PDE4D: variants seen among roughly 807,000 people sequenced by gnomAD.
The protein encoded by PDE4D is phosphodiesterase 4D, also known as 3',5'-cyclic-AMP phosphodiesterase 4D.
PDE4D carries 24 observed loss-of-function variants against 87.4 expected under a neutral mutation model. The observed-to-expected ratio is 0.27, with a 90% CI of 0.20 to 0.39. The LOEUF (loss-of-function observed/expected upper bound fraction) is 0.39. Among genes scored for constraint, PDE4D ranks in the 10% least tolerant of loss-of-function variants. The pLI, the probability that PDE4D is intolerant of heterozygous loss-of-function variation, is 1.00. For missense variants in PDE4D, 714 were observed against 1,041.0 expected, an observed-to-expected ratio of 0.69 and a Z score of 4.32; for synonymous variants, 384 against 383.2, an observed-to-expected ratio of 1.00 and a Z score of -0.02.
Position 59,334,327 on chromosome 5 carries a change from T to G in PDE4D, c.456-118359A>C, listed in dbSNP as rs60695182. On this transcript the variant is annotated intron_variant, in intron 1 of 14. Transcript: ENST00000340635. The stretch of plus-strand genomic sequence containing the variant: ...AGGCTGGAGTGCAATGGCATGATCT[T>G]GGCTCACTGCAACCTCTGCCTCCTG... Among the ~76,000 whole-genome samples the G allele has an allele frequency of 5.1e-3, 757 of 148,184 alleles. 9 individuals are homozygous for G. Among genetic ancestry groups the G allele is most frequent in the African/African-American group, 0.018 (718 of 40,194 alleles).
At chr5:59,503,060 A>C (rs1808609968) in intron 1 of PDE4D, among the ~76,000 whole-genome samples, 1 of 152,140 alleles carries the variant, frequency 6.6e-6, no homozygotes, top group Non-Finnish European at 1.5e-5. Flanking sequence ...TAGGTAAAGC[A>C]TCAGAAAGCA....
chr5:59,532,853 C>A (rs1013572867), intron 1 of PDE4D, among the ~76,000 whole-genome samples: 1 of 152,064 alleles, frequency 6.6e-6, no homozygotes, highest in Non-Finnish European at 1.5e-5. Context: ...ATGATTGGAC[C>A]ATCTGAGAAG....
chr5:60,083,900 T>C (rs187839375), intron 2 of PDE4D, among the ~76,000 whole-genome samples: 17 of 152,352 alleles, frequency 1.1e-4, no homozygotes, highest in African/African-American at 4.1e-4. Flanking sequence ...ACTTTACCAT[T>C]TGTCAAGGTG....
intron 1 of PDE4D, among the ~76,000 whole-genome samples, chr5:59,576,736 G>A (rs377210452): frequency 3.4e-4 from 52 of 152,262 alleles, no homozygotes; most frequent in African/African-American, 1.2e-3. Flanking sequence ...CTCACAGAAT[G>A]TGGTCACCCT....
intron 1 of PDE4D, among the ~76,000 whole-genome samples, chr5:59,312,707 G>T (rs1173617056): frequency 6.6e-6 from 1 of 152,172 alleles, no homozygotes; most frequent in East Asian, 1.9e-4. Context: ...AGAACCCAGT[G>T]CCCCTATGCC....
chr5:59,933,232 T>A (rs1483142250), intron 3 of PDE4D, among the ~76,000 whole-genome samples: 3 of 152,240 alleles, frequency 2.0e-5, no homozygotes, highest in African/African-American at 7.2e-5. Context: ...TTTGAGAAGA[T>A]ACTTCCATAA....
chr5:59,056,913 G>C (rs1352570607), intron 5 of PDE4D, among the ~76,000 whole-genome samples: 1 of 152,150 alleles, frequency 6.6e-6, no homozygotes, highest in East Asian at 1.9e-4. Flanking sequence ...AGAGAACCCA[G>C]CACTTTGAGA....
At chr5:60,268,538 T>C (rs1213756637) in intron 1 of PDE4D, among the ~76,000 whole-genome samples, 1 of 152,192 alleles carries the variant, frequency 6.6e-6, no homozygotes, top group Non-Finnish European at 1.5e-5. Context: ...TGCAAAGTGA[T>C]CTCAAGTCTC....
chr5:59,086,015 A>G lies in PDE4D; in HGVS notation c.809-47044T>C, dbSNP rs78073504. Among the ~76,000 whole-genome samples, 950 of 152,310 alleles carry G rather than the reference A, an allele frequency of 6.2e-3. 10 individuals are homozygous for G. The highest frequency in any genetic ancestry group is 0.022 in the African/African-American group (900 of 41,570). Reference sequence around the variant, plus strand: ...ATATAAAATCACCCTGACTTTTGCAAGGGGTCCGTCTATACAGAAGAGTAA... The same window carrying G: ...ATATAAAATCACCCTGACTTTTGCAGGGGGTCCGTCTATACAGAAGAGTAA... On this transcript the variant is annotated intron_variant, in intron 5 of 14. Coordinates refer to ENST00000340635, the MANE Select transcript of PDE4D (RefSeq NM_001104631.2).
At chr5:59,025,281 A>G (rs1485227435) in intron 6 of PDE4D, among the ~76,000 whole-genome samples, 1 of 152,188 alleles carries the variant, frequency 6.6e-6, no homozygotes, top group African/African-American at 2.4e-5. Flanking sequence ...TTAATATTGC[A>G]GTTCATTTTT....
intron 1 of PDE4D, among the ~76,000 whole-genome samples, chr5:59,606,326 C>T (rs1828196264): frequency 6.6e-6 from 1 of 152,058 alleles, no homozygotes; most frequent in Non-Finnish European, 1.5e-5. Context: ...CATGCAACAG[C>T]ACATTGGAAA....
chr5:59,043,730 G>C (rs1265608912), intron 5 of PDE4D, among the ~76,000 whole-genome samples: 4 of 139,310 alleles, frequency 2.9e-5, no homozygotes, highest in African/African-American at 1.1e-4. Flanking sequence ...AGCAGGCCCC[G>C]GTGTGTGATG....
intron 1 of PDE4D, among the ~76,000 whole-genome samples, chr5:59,595,026 G>C (rs1826469454): frequency 6.6e-6 from 1 of 151,986 alleles, no homozygotes; most frequent in Non-Finnish European, 1.5e-5. Flanking sequence ...ATTTTGCTGT[G>C]AACCTAAAAA....
chr5:59,485,063 G>A (rs1038322974), intron 1 of PDE4D, among the ~76,000 whole-genome samples: 3 of 152,258 alleles, frequency 2.0e-5, no homozygotes, highest in South Asian at 4.1e-4. Context: ...GGATGTAATA[G>A]ATTCTGAAGG....
intron 1 of PDE4D, among the ~76,000 whole-genome samples, chr5:60,271,044 G>T (rs1248250084): frequency 1.3e-5 from 2 of 152,094 alleles, no homozygotes; most frequent in East Asian, 3.9e-4. Flanking sequence ...TTAGTACGAG[G>T]TTACTATTAT....
chr5:59,273,723 C>A (rs1182210494), intron 1 of PDE4D, among the ~76,000 whole-genome samples: 1 of 152,076 alleles, frequency 6.6e-6, no homozygotes, highest in Non-Finnish European at 1.5e-5. Context: ...AAAATACACA[C>A]ATTAACAAAT....
Position 59,390,216 on chromosome 5 carries a change from T to C in PDE4D, c.456-174248A>G, listed in dbSNP as rs552309265. Among the ~76,000 whole-genome samples the C allele has an allele frequency of 6.6e-5, 10 of 152,280 alleles. No individual in the cohort carries two copies. In the East Asian group the frequency reaches 1.7e-3, roughly 26 times the overall value. On this transcript the variant is annotated intron_variant, in intron 1 of 14. Coordinates refer to ENST00000340635, the MANE Select transcript of PDE4D (RefSeq NM_001104631.2). ...CTATTTTTGCAACTTATAATAGTTA[T>C]TATTTGTGTGAGATACTCACTTGCC...
intron 1 of PDE4D, among the ~76,000 whole-genome samples, chr5:59,607,401 C>A (rs114519871): frequency 3.0e-3 from 462 of 152,182 alleles, no homozygotes; most frequent in African/African-American, 0.01. Flanking sequence ...TCATTTAGAT[C>A]ATTAAAAATC....
intron 1 of PDE4D, among the ~76,000 whole-genome samples, chr5:60,342,227 A>T (rs1384267757): frequency 2.0e-5 from 3 of 152,144 alleles, no homozygotes; most frequent in Admixed American, 2.0e-4. Context: ...AAAAGGGGAG[A>T]CTGAACCAGA....
Sources: allele counts gnomAD v4.1 joint callset (sites outside exome capture counted in the v4.1 genomes callset), GRCh38; gene constraint gnomAD v4.1.1; transcripts MANE v1.5; gene names NCBI Gene and HGNC (gene_info 2026-07-23, HGNC 2026-07-21).